Variants in GAS2 observed in about 807,000 individuals in gnomAD.
GAS2 encodes the protein growth arrest-specific protein 2.
GAS2 carries 20 observed loss-of-function variants against 37.5 expected under a neutral mutation model. The observed-to-expected ratio is 0.53, with a 90% confidence interval of 0.37 to 0.77. The LOEUF is 0.77. GAS2 is among the 30% of genes least tolerant of loss of function. The pLI is 0.00. For synonymous variants in GAS2, 144 were observed against 132.2 expected, an observed-to-expected ratio of 1.09 and a Z score of -0.61; for missense variants, 336 against 373.4, an observed-to-expected ratio of 0.90 and a Z score of 0.82.
At chr11:22,696,391 C>T (rs1850517318) in intron 3 of GAS2, among the ~76,000 whole-genome samples, 2 of 151,992 alleles carry the variant, frequency 1.3e-5, no homozygotes. Flanking sequence ...TGAATAGTGC[C>T]ACGATAAACA....
chr11:22,719,471 AC>A (rs2134128829), intron 3 of GAS2, among the ~76,000 whole-genome samples: 1 of 152,198 alleles, frequency 6.6e-6, no homozygotes, highest in Non-Finnish European at 1.5e-5. Context: ...CAGTCATTGA[AC>A]CTACATTAAC....
chr11:22,684,182 T>C (rs1286378019), intron 2 of GAS2, among the ~76,000 whole-genome samples: 1 of 152,098 alleles, frequency 6.6e-6, no homozygotes, highest in East Asian at 1.9e-4. Context: ...GGATGTTAGA[T>C]GGGAAAGATG....
chr11:22,809,001 C>G (rs1353726137), intron 7 of GAS2, among the ~76,000 whole-genome samples: 2 of 152,152 alleles, frequency 1.3e-5, no homozygotes, highest in Non-Finnish European at 2.9e-5. Context: ...TGGCTCCAGT[C>G]CAACCTGACT....
At chr11:22,806,496 C>G (rs575716638) in intron 7 of GAS2, among the ~76,000 whole-genome samples, 12 of 152,204 alleles carry the variant, frequency 7.9e-5, no homozygotes, top group African/African-American at 2.9e-4. Flanking sequence ...CACATGGTAC[C>G]TTTATTTTTA....
intron 4 of GAS2, among the ~76,000 whole-genome samples, chr11:22,730,066 T>C (rs775084610): frequency 4.0e-5 from 6 of 151,686 alleles, no homozygotes; most frequent in Non-Finnish European, 8.8e-5. Context: ...ATTGTAGTCA[T>C]CCATAGATGC....
At chr11:22,749,967 G>T (rs569444788) in intron 6 of GAS2, among the ~76,000 whole-genome samples, 6 of 152,146 alleles carry the variant, frequency 3.9e-5, no homozygotes, top group Admixed American at 3.9e-4. Context: ...AAAGTAGTGT[G>T]CTTGAGTATG....
intron 1 of GAS2, among the ~76,000 whole-genome samples, chr11:22,667,623 T>C (rs1476074833): frequency 6.6e-6 from 1 of 152,210 alleles, no homozygotes; most frequent in Non-Finnish European, 1.5e-5. Context: ...TTTGGAGACA[T>C]TATTTATACT....
intron 5 of GAS2, 57 bp downstream of exon 5, chr11:22,737,825 C>A: frequency 6.8e-7 from 1 of 1,478,188 alleles, no homozygotes; most frequent in Non-Finnish European, 9.5e-7. Context: ...ATCCAAGCAA[C>A]ACAGAAGCTT....
intron 7 of GAS2, among the ~76,000 whole-genome samples, chr11:22,798,640 G>A (rs992934777): frequency 6.6e-6 from 1 of 151,974 alleles, no homozygotes; most frequent in African/African-American, 2.4e-5. Flanking sequence ...TGTTTATTTG[G>A]GCTGTGATTA....
Position 22,742,521 on chromosome 11 carries a change from G to A in GAS2, c.473+4753G>A, listed in dbSNP as rs548846473. On this transcript the variant is annotated intron_variant, in intron 5 of 7. Transcript: ENST00000454584. ...ACATCTCCAGACAGACAGGAAGCCA[G>A]TGAATCGTATTTAAGTATGCATTTC... 2.5e-3 allele frequency among the ~76,000 whole-genome samples: 376 copies of A among 152,232 alleles called. 4 individuals carry two copies. Among genetic ancestry groups the A allele is most frequent in the African/African-American group, 8.7e-3 (362 of 41,572 alleles).
chr11:22,701,073 C>T (rs778757145), intron 3 of GAS2, among the ~76,000 whole-genome samples: 3 of 152,036 alleles, frequency 2.0e-5, no homozygotes, highest in Non-Finnish European at 4.4e-5. Flanking sequence ...ATTTAACAAC[C>T]AATGTAAAAA....
At chr11:22,740,681 C>G (rs1355814936) in intron 5 of GAS2, among the ~76,000 whole-genome samples, 2 of 152,072 alleles carry the variant, frequency 1.3e-5, no homozygotes, top group African/African-American at 2.4e-5. Context: ...ACTGTTTTAC[C>G]CCTGTGTTGA....
chr11:22,648,151 GT>G (rs1848726552), intron 1 of GAS2, among the ~76,000 whole-genome samples: 1 of 152,176 alleles, frequency 6.6e-6, no homozygotes, highest in Non-Finnish European at 1.5e-5. Flanking sequence ...TGGCTAGCCA[GT>G]TTTCCCAGCA....
chr11:22,763,370 T>G (rs1309912125), intron 7 of GAS2, among the ~76,000 whole-genome samples: 1 of 152,154 alleles, frequency 6.6e-6, no homozygotes, highest in Admixed American at 6.5e-5. Flanking sequence ...AGGTCCATGA[T>G]AGTGGGTGAT....
intron 7 of GAS2, among the ~76,000 whole-genome samples, chr11:22,772,479 A>G (rs1855031334): frequency 6.6e-6 from 1 of 152,110 alleles, no homozygotes; most frequent in Admixed American, 6.5e-5. Flanking sequence ...GGGTGTGTGT[A>G]TTGGACTAGA....
chr11:22,656,246 A>C (rs767845355), intron 1 of GAS2, among the ~76,000 whole-genome samples: 1 of 152,216 alleles, frequency 6.6e-6, no homozygotes, highest in African/African-American at 2.4e-5. Context: ...GAAACCTGAA[A>C]CTTTTCATCA....
chr11:22,698,788 C>G (rs753206334), intron 3 of GAS2, among the ~76,000 whole-genome samples: 1 of 152,056 alleles, frequency 6.6e-6, no homozygotes, highest in Non-Finnish European at 1.5e-5. Flanking sequence ...GAAGAGGTGA[C>G]CAAACAGTAT....
At chr11:22,718,336 A>T (rs556954644) in intron 3 of GAS2, among the ~76,000 whole-genome samples, 15 of 152,170 alleles carry the variant, frequency 9.9e-5, no homozygotes, top group African/African-American at 3.6e-4. Context: ...CTCAGTCATA[A>T]AATGGAATGA....
intron 3 of GAS2, among the ~76,000 whole-genome samples, chr11:22,695,367 A>G (rs1590652480): frequency 6.6e-6 from 1 of 152,270 alleles, no homozygotes; most frequent in East Asian, 1.9e-4. Flanking sequence ...CTGAGATTTA[A>G]GGACAGAGCC....
Sources: gnomAD v4.1 joint callset for allele counts (sites outside exome capture counted in the v4.1 genomes callset) on GRCh38, gnomAD v4.1.1 for gene constraint, MANE v1.5 for transcripts, NCBI Gene and HGNC (gene_info 2026-07-23, HGNC 2026-07-21) for gene names.